The following ATR variants were observed in gnomAD, a reference collection of about 807,000 sequenced individuals.
ATR encodes ATR checkpoint kinase, also known as serine/threonine-protein kinase ATR.
Under a neutral mutation model 305.3 loss-of-function variants are expected in ATR, and 142 were observed. The observed-to-expected ratio is 0.47, with a 90% CI of 0.41 to 0.53. The LOEUF (loss-of-function observed/expected upper bound fraction) is 0.53, where lower values mean the gene tolerates loss of function less well. Among genes scored for constraint, ATR ranks in the 20% least tolerant of loss-of-function variants. The pLI, the probability that ATR is intolerant of heterozygous loss-of-function variation, is 0.00. For missense variants in ATR, 2,135 were observed against 3,133.1 expected (o/e 0.68, Z 7.60); for synonymous variants, 1,050 against 1,068.1 (o/e 0.98, Z 0.33).
Position 142,516,984 on chromosome 3 carries a change from A to AATATATATATATATATATAT in ATR, c.4383-1489_4383-1470dup, listed in dbSNP as rs534243837. 3.4e-4 allele frequency among the ~76,000 whole-genome samples: 47 copies of AATATATATATATATATATAT among 139,116 alleles called. 1 individual carries two copies. The highest frequency in any genetic ancestry group is 1.1e-3 in the South Asian group (5 of 4,422). The allele number at this position is 139,116 out of a possible 152,430, so 91.3% of individuals were successfully genotyped here. Reference sequence around the variant, plus strand: ...TATACCCAAAGTCTTATACCCAAATAATATATATATATATATATATATACA... The same window carrying AATATATATATATATATATAT: ...TATACCCAAAGTCTTATACCCAAATAATATATATATATATATATATATATATATATATATATATATATACA... On this transcript the variant is annotated intron_variant, in intron 24 of 46. Transcript: ENST00000350721.
Position 142,556,027 on chromosome 3 carries a change from G to A in ATR, c.2191C>T (p.Pro731Ser), listed in dbSNP as rs765704773. The A allele has an allele frequency of 2.7e-5, 43 of 1,613,906 alleles. No homozygotes were observed. The highest frequency in any genetic ancestry group is 3.1e-5 in the Non-Finnish European group (36 of 1,179,976). Residue 731 changes from proline (P) to serine (S), a missense_variant, in exon 10 of 47, where the codon CCT (proline) becomes TCT (serine). Transcript: ENST00000350721. ...TCCACATGTCCGTGTTCAGAGAAAG[G>A]TTCTGTTAAAGAACTTGTCAGATAA... Reference protein sequence around the residue: ...MFYLTSSLTEPFSEHGHVDLF... With the variant: ...MFYLTSSLTESFSEHGHVDLF...
At chr3:142,563,153 G>C (rs777987573) in intron 3 of ATR, 44 bp from the exon 4 acceptor site, 14 of 1,541,130 alleles carry the variant, frequency 9.1e-6, no homozygotes, top group Non-Finnish European at 1.8e-6. Flanking sequence ...AAGTATATCC[G>C]AAGTGCTAAT....
In ATR at chr3:142,461,924, G is replaced by C. The variant is rs2071030191; in HGVS notation, c.7192+16C>G. 1 of 1,609,986 alleles carries C rather than the reference G, an allele frequency of 6.2e-7. No individual in the cohort carries two copies. Among genetic ancestry groups the C allele is most frequent in the Non-Finnish European group, 8.5e-7 (1 of 1,176,894 alleles). On this transcript the variant is annotated intron_variant, in intron 42 of 46. Transcript: ENST00000350721. ...TAGTACCCACACTGTATATGTATAA[G>C]AATTAATTTTAGTACCCTTTTCTTT...
At chr3:142,556,835 G>GA (rs1052657991) in intron 8 of ATR, among the ~76,000 whole-genome samples, 1 of 151,870 alleles carries the variant, frequency 6.6e-6, no homozygotes, top group African/African-American at 2.4e-5. Context: ...TACCAGATAG[G>GA]AAAAAGAAAA....
At chr3:142,563,607 T>A (rs948025202) in intron 3 of ATR, among the ~76,000 whole-genome samples, 3 of 152,116 alleles carry the variant, frequency 2.0e-5, no homozygotes, top group African/African-American at 7.2e-5. Context: ...TCTCCTTGTG[T>A]CTCCCTATTC....
Position 142,568,112 on chromosome 3 carries a change from T to G in ATR, c.102A>C (p.Arg34Ser), listed in dbSNP as rs778499519. 6.2e-7 allele frequency: 1 copy of G among 1,612,842 alleles called. No homozygotes were observed. The highest frequency in any genetic ancestry group is 1.1e-5 in the South Asian group (1 of 90,874). ...EEYNTVVQKPRQILCQFIDRI... is the reference protein window; with the variant it reads ...EEYNTVVQKPSQILCQFIDRI... ...GGTCAATGAATTGACACAGAATTTG[T>G]CTTGGCTTCTGTACAACTGTATTAT... The change falls in exon 2 of 47, where the codon AGA (arginine) becomes AGC (serine). Residue 34 changes from arginine (R) to serine (S), a missense_variant. Arg to Ser is a moderately radical substitution (Grantham distance 110). Transcript: ENST00000350721.
intron 15 of ATR, among the ~76,000 whole-genome samples, chr3:142,549,093 T>G (rs2034381979): frequency 6.6e-6 from 1 of 152,198 alleles, no homozygotes; most frequent in African/African-American, 2.4e-5. Flanking sequence ...GACCAAATTG[T>G]AATCAGAACA....
rs2108451946 is a variant in ATR, at chr3:142,547,908, A to T, written c.3174T>A (p.Asn1058Lys). ...ELERALHYLKNETEIELGSLL... is the reference protein window; with the variant it reads ...ELERALHYLKKETEIELGSLL... The stretch of plus-strand genomic sequence containing the variant: ...GGCTCCCCAGTTCAATTTCTGTTTC[A>T]TTCTAACCCAAAGACATGTTAAAAA... Residue 1058 changes from asparagine (N) to lysine (K), a missense_variant and splice_region_variant, in exon 16 of 47, where the codon AAT (asparagine) becomes AAA (lysine). Physicochemically the swap from Asn to Lys is moderately conservative, Grantham distance 94. Coordinates refer to ENST00000350721, the MANE Select transcript of ATR (RefSeq NM_001184.4). 6.2e-7 allele frequency: 1 copy of T among 1,613,890 alleles called. No homozygotes were observed. The highest frequency in any genetic ancestry group is 8.5e-7 in the Non-Finnish European group (1 of 1,179,892).
At chr3:142,514,381 G>A (rs186137513) in intron 25 of ATR, among the ~76,000 whole-genome samples, 1 of 152,026 alleles carries the variant, frequency 6.6e-6, no homozygotes, top group African/African-American at 2.4e-5. Flanking sequence ...TGTAATACCA[G>A]TACTTTGAGG....
chr3:142,466,499 G>A lies in ATR; in HGVS notation c.6722C>T (p.Thr2241Ile), dbSNP rs1177234608. 2.5e-6 allele frequency: 4 copies of A among 1,613,738 alleles called. No homozygotes were observed. Among genetic ancestry groups the A allele is most frequent in the Non-Finnish European group, 3.4e-6 (4 of 1,179,832 alleles). The change falls in exon 40 of 47, where the codon ACT becomes ATT. Residue 2241 changes from threonine (T) to isoleucine (I), a missense_variant. This residue lies in a region of ATR where 462 missense variants were observed against 887.6 expected (regional missense o/e 0.52). Transcript: ENST00000350721. ...CAGCTTTTTAAGCATTTTAAAATGA[G>A]TGCTCATGCTTAATGTGGAACTACT... is the stretch of plus-strand genomic sequence containing the variant. Reference protein sequence around the residue: ...DGSSSTLSMSTHFKMLKKLVE... With the variant: ...DGSSSTLSMSIHFKMLKKLVE...
chr3:142,528,195 A>G (rs528507980), intron 21 of ATR, among the ~76,000 whole-genome samples: 1 of 152,354 alleles, frequency 6.6e-6, no homozygotes, highest in East Asian at 1.9e-4. Flanking sequence ...GTATGCTTCT[A>G]TTATCAAGGT....
chr3:142,539,397 T>C (rs1338427020), intron 18 of ATR, among the ~76,000 whole-genome samples: 5 of 152,120 alleles, frequency 3.3e-5, no homozygotes, highest in East Asian at 1.9e-4. Flanking sequence ...TCAAAACTCA[T>C]AGATGCCAAC....
intron 30 of ATR, chr3:142,500,205 C>T (rs1317900048): frequency 6.5e-6 from 1 of 154,136 alleles, no homozygotes; most frequent in Admixed American, 6.5e-5. Context: ...TAGAACAATA[C>T]CAAGAGCAAA....
intron 45 of ATR, among the ~76,000 whole-genome samples, chr3:142,454,810 C>T (rs1009736599): frequency 2.0e-5 from 3 of 152,170 alleles, no homozygotes; most frequent in Non-Finnish European, 4.4e-5. Context: ...AATCTGTTTC[C>T]CACAGCTAAC....
chr3:142,496,311 T>TTATATATAC (rs2108332485), intron 34 of ATR, 50 bp downstream of exon 34: 1 of 176,588 alleles, frequency 5.7e-6, no homozygotes, highest in African/African-American at 4.6e-5. Context: ...TATATATATA[T>TTATATATAC]ATATATATAT....
At chr3:142,450,480 T>C (rs761155745) in intron 46 of ATR, 6 of 1,602,384 alleles carry the variant, frequency 3.7e-6, no homozygotes, top group Non-Finnish European at 5.1e-6. Context: ...TGAGGTCCAC[T>C]AAAGAGAGAG....
At chr3:142,452,268 C>T in intron 46 of ATR, 1 of 994,256 alleles carries the variant, frequency 1.0e-6, no homozygotes, top group Non-Finnish European at 1.2e-6. Flanking sequence ...TCTTTATTAG[C>T]ATATAGTTGG....
At chr3:142,514,328 T>C (rs981871824) in intron 25 of ATR, among the ~76,000 whole-genome samples, 1 of 148,704 alleles carries the variant, frequency 6.7e-6, no homozygotes, top group Non-Finnish European at 1.5e-5. Flanking sequence ...TTTAAAACAC[T>C]AACAGAAATG....
chr3:142,569,250 G>A (rs993055816), intron 1 of ATR, among the ~76,000 whole-genome samples: 2 of 152,220 alleles, frequency 1.3e-5, no homozygotes, highest in Non-Finnish European at 2.9e-5. Context: ...CCCACCTGCA[G>A]TGGACAAGGG....
Sources: allele counts gnomAD v4.1 joint callset (sites outside exome capture counted in the v4.1 genomes callset), GRCh38; gene constraint gnomAD v4.1.1; regional missense constraint gnomAD v4.1.1; transcripts MANE v1.5; gene names NCBI Gene and HGNC (gene_info 2026-07-23, HGNC 2026-07-21).